Variants in PCDHA12 observed in about 807,000 individuals in gnomAD.
The protein encoded by PCDHA12 is protocadherin alpha 12, also known as protocadherin alpha-12.
A neutral mutation model predicts 60.0 loss-of-function variants in PCDHA12; 44 were observed. The observed-to-expected ratio is 0.73, with a 90% CI of 0.58 to 0.94. The LOEUF (loss-of-function observed/expected upper bound fraction) is 0.94. Ranked by LOEUF, PCDHA12 falls within the 40% of genes least tolerant of loss-of-function variation. The pLI is 0.00. For missense variants in PCDHA12, 1,276 were observed against 1,239.7 expected, an observed-to-expected ratio of 1.03 and a Z score of -0.44; for synonymous variants, 569 against 553.0, an observed-to-expected ratio of 1.03 and a Z score of -0.40.
chr5:140,924,712 T>C (rs1481544117), intron 1 of PCDHA12, among the ~76,000 whole-genome samples: 1 of 151,870 alleles, frequency 6.6e-6, no homozygotes, highest in African/African-American at 2.4e-5. Context: ...TTGTGCAACA[T>C]GGCGAAACCT....
Position 140,876,083 on chromosome 5 carries a change from A to C in PCDHA12, c.611A>C (p.Gln204Pro). 1 of 1,613,974 alleles carries C rather than the reference A, an allele frequency of 6.2e-7. No individual in the cohort carries two copies. The highest frequency in any genetic ancestry group is 8.5e-7 in the Non-Finnish European group (1 of 1,179,900). ...LVLRKLLDRE[Q>P]TPKLNLLLMV... is the part of the protein sequence containing the mutation. ...CTTCGGAAGTTATTGGACAGAGAGC[A>C]AACGCCAAAACTCAATTTATTGCTG... Residue 204 changes from glutamine (Q) to proline (P), a missense_variant, in exon 1 of 4, where the codon CAA becomes CCA. Coordinates refer to ENST00000398631, the MANE Select transcript of PCDHA12 (RefSeq NM_018903.4).
intron 1 of PCDHA12, among the ~76,000 whole-genome samples, chr5:140,899,649 G>T (rs1405894081): frequency 6.6e-6 from 1 of 152,130 alleles, no homozygotes; most frequent in Non-Finnish European, 1.5e-5. Flanking sequence ...CTCTTATTTG[G>T]TTGTGTCTCT....
rs782785462 is a variant in PCDHA12, at chr5:140,875,815, C to T, written c.343C>T (p.Gln115Ter). 6.8e-6 allele frequency: 11 copies of T among 1,614,218 alleles called. No individual in the cohort carries two copies. Among genetic ancestry groups the T allele is most frequent in the Non-Finnish European group, 9.3e-6 (11 of 1,180,048 alleles). Residue 115 changes from glutamine (Q) to a stop codon, truncating the protein, a stop_gained, in exon 1 of 4, where the codon CAG becomes TAG. Transcript: ENST00000398631. LOFTEE classifies it high-confidence loss of function. ...HLEVIVDRPL[Q>*]VFHVDVEVKD... ...GGAGGTGATCGTGGACAGGCCGCTG[C>T]AGGTTTTCCATGTGGACGTGGAGGT...
intron 1 of PCDHA12, among the ~76,000 whole-genome samples, chr5:140,915,919 AC>A (rs1449299766): frequency 6.6e-6 from 1 of 152,102 alleles, no homozygotes; most frequent in Non-Finnish European, 1.5e-5. Flanking sequence ...CAGAGATGCT[AC>A]TTGGGAGTCA....
At chr5:140,915,446 GT>G (rs2077122918) in intron 1 of PCDHA12, among the ~76,000 whole-genome samples, 1 of 152,184 alleles carries the variant, frequency 6.6e-6, no homozygotes, top group African/African-American at 2.4e-5. Flanking sequence ...TCTTGAGAAG[GT>G]TTTCCAGAAG....
intron 1 of PCDHA12, among the ~76,000 whole-genome samples, chr5:140,945,017 T>C (rs1563211481): frequency 6.6e-6 from 1 of 152,172 alleles, no homozygotes; most frequent in Non-Finnish European, 1.5e-5. Context: ...AATTATTTTT[T>C]ACTCAGACAT....
At chr5:140,997,720 G>C (rs973128921) in intron 3 of PCDHA12, among the ~76,000 whole-genome samples, 1 of 151,568 alleles carries the variant, frequency 6.6e-6, no homozygotes, top group African/African-American at 2.4e-5. Flanking sequence ...ACCTTTCTAC[G>C]TCAGTACATA....
Position 140,969,610 on chromosome 5 carries a change from G to A in PCDHA12, c.2368-9339G>A, listed in dbSNP as rs1468528731. 9 of 723,424 alleles carry A rather than the reference G, an allele frequency of 1.2e-5. No individual in the cohort carries two copies. In the African/African-American group the frequency reaches 1.4e-4, roughly 11 times the overall value. The allele number at this position is 723,424 out of a possible 1,614,324, so 44.8% of individuals were successfully genotyped here. On this transcript the variant is annotated intron_variant, in intron 1 of 3. Transcript: ENST00000398631. ...TCTTAATATTTAATGCTAAAACACA[G>A]ATTTGTAGAGAAACAGGACAGGCCT...
rs563698448 is a variant in PCDHA12 at position 140,899,116 on chromosome 5, T to G, written c.2367+21277T>G. On this transcript the variant is annotated intron_variant, in intron 1 of 3. Transcript: ENST00000398631. ...CTGAGATAATGGGGTTTTCTAGATA[T>G]ACAATCATGTCTTCTGCAAACAGGG... 5.8e-3 allele frequency among the ~76,000 whole-genome samples: 880 copies of G among 152,244 alleles called. 11 individuals are homozygous for G. Among genetic ancestry groups the G allele is most frequent in the African/African-American group, 0.019 (802 of 41,486 alleles).
rs2057007244 is a variant in PCDHA12 at position 140,877,301 on chromosome 5, A to T, written c.1829A>T (p.Glu610Val). 6.2e-7 allele frequency: 1 copy of T among 1,613,758 alleles called. No individual in the cohort carries two copies. The highest frequency in any genetic ancestry group is 1.3e-5 in the African/African-American group (1 of 74,916). ...DSGYNAWLSY[E>V]LQPAAVGAHI... Reference sequence around the variant, plus strand: ...GGCTATAACGCTTGGCTGTCCTACGAGTTGCAACCGGCGGCGGTCGGCGCG... The same window carrying T: ...GGCTATAACGCTTGGCTGTCCTACGTGTTGCAACCGGCGGCGGTCGGCGCG... Residue 610 changes from glutamate (E) to valine (V), a missense_variant, in exon 1 of 4, where the codon GAG becomes GTG. Transcript: ENST00000398631.
intron 1 of PCDHA12, among the ~76,000 whole-genome samples, chr5:140,889,648 A>G (rs1414947366): frequency 6.6e-6 from 1 of 152,094 alleles, no homozygotes; most frequent in African/African-American, 2.4e-5. Flanking sequence ...TGTTTGCAGG[A>G]GATGTCCTCT....
At chr5:141,007,839 A>C (rs782046722) in intron 3 of PCDHA12, among the ~76,000 whole-genome samples, 2 of 152,226 alleles carry the variant, frequency 1.3e-5, no homozygotes, top group Non-Finnish European at 2.9e-5. Context: ...TACCCATTAG[A>C]GACTCAAAGT....
chr5:140,971,922 G>A (rs1433994919), intron 1 of PCDHA12, among the ~76,000 whole-genome samples: 1 of 152,120 alleles, frequency 6.6e-6, no homozygotes, highest in Admixed American at 6.5e-5. Context: ...CACACTGCTA[G>A]TGTTATTTTA....
At chr5:140,964,959 T>C (rs1330728069) in intron 1 of PCDHA12, among the ~76,000 whole-genome samples, 2 of 152,168 alleles carry the variant, frequency 1.3e-5, no homozygotes, top group African/African-American at 4.8e-5. Context: ...GCTTGGTTGG[T>C]GGAACGAAGG....
chr5:140,926,054 T>C (rs1018660828), intron 1 of PCDHA12, among the ~76,000 whole-genome samples: 1 of 152,182 alleles, frequency 6.6e-6, no homozygotes, highest in Non-Finnish European at 1.5e-5. Flanking sequence ...CCCAACCTTC[T>C]TCCCCTCCTT....
Position 141,009,922 on chromosome 5 carries a change from C to G in PCDHA12, c.2811C>G (p.Asp937Glu), listed in dbSNP as rs1554262572. 6.2e-7 allele frequency: 1 copy of G among 1,608,774 alleles called. No individual in the cohort carries two copies. Among genetic ancestry groups the G allele is most frequent in the South Asian group, 1.1e-5 (1 of 90,050 alleles). The change falls in exon 4 of 4, where the codon GAC becomes GAG. Residue 937 changes from aspartate to glutamate, a missense_variant. Coordinates refer to ENST00000398631, the MANE Select transcript of PCDHA12 (RefSeq NM_018903.4). ...AAGAGAAAGGGAACAGCACGACTGACAACAGTGACCAGTGAGGTCCTCAAA... is the reference window on the plus strand; with the variant it reads ...AAGAGAAAGGGAACAGCACGACTGAGAACAGTGACCAGTGAGGTCCTCAAA... ...EKKEKGNSTT[D>E]NSDQ
At chr5:140,978,770 A>G in intron 1 of PCDHA12, 179 bp from the exon 2 acceptor site, 3 of 956,466 alleles carry the variant, frequency 3.1e-6, no homozygotes, top group Non-Finnish European at 2.5e-6. Context: ...CTGATGAACT[A>G]ATTTTCTTCT....
chr5:140,938,843 C>G (rs1232774282), intron 1 of PCDHA12, among the ~76,000 whole-genome samples: 1 of 152,130 alleles, frequency 6.6e-6, no homozygotes, highest in East Asian at 1.9e-4. Context: ...AACAAACCTG[C>G]CCATGTACCC....
intron 1 of PCDHA12, among the ~76,000 whole-genome samples, chr5:140,912,783 A>G (rs1287611610): frequency 6.6e-6 from 1 of 152,166 alleles, no homozygotes; most frequent in African/African-American, 2.4e-5. Context: ...TGTCCCTTCT[A>G]TGCCAATTTT....
Sources: gnomAD v4.1 joint callset for allele counts (sites outside exome capture counted in the v4.1 genomes callset) on GRCh38, gnomAD v4.1.1 for gene constraint, MANE v1.5 for transcripts, NCBI Gene and HGNC (gene_info 2026-07-23, HGNC 2026-07-21) for gene names.